Variants in WWOX observed in about 807,000 individuals in gnomAD.
The protein encoded by WWOX is WW domain containing oxidoreductase.
A neutral mutation model predicts 46.2 loss-of-function variants in WWOX; 69 were observed. The ratio of observed to expected loss-of-function variants is 1.49; its 90% CI spans 1.23 to 1.82. WWOX has a LOEUF of 1.82. Among genes scored for constraint, WWOX ranks in the 40% most tolerant of loss-of-function variants. The pLI, the probability that WWOX is intolerant of heterozygous loss-of-function variation, is 0.00. For missense variants in WWOX, 919 were observed against 542.6 expected, an observed-to-expected ratio of 1.69 and a Z score of -6.89; for synonymous variants, 359 against 202.6, an observed-to-expected ratio of 1.77 and a Z score of -6.56.
intron 8 of WWOX, among the ~76,000 whole-genome samples, chr16:78,950,757 C>G (rs2046043753): frequency 6.6e-6 from 1 of 152,140 alleles, no homozygotes. Context: ...CAAATGAAAT[C>G]TGGAATGATC....
At chr16:79,207,407 G>T (rs866067310) in intron 8 of WWOX, among the ~76,000 whole-genome samples, 2 of 152,204 alleles carry the variant, frequency 1.3e-5, no homozygotes, top group Admixed American at 6.5e-5. Flanking sequence ...GAACACTGCC[G>T]TCTTCAAAAG....
intron 8 of WWOX, among the ~76,000 whole-genome samples, chr16:79,134,395 G>C (rs933016043): frequency 6.6e-6 from 1 of 152,084 alleles, no homozygotes; most frequent in African/African-American, 2.4e-5. Context: ...AGCATGGAAG[G>C]GGCTGTCTGC....
chr16:78,886,829 C>T (rs1170667213), intron 8 of WWOX, among the ~76,000 whole-genome samples: 5 of 151,980 alleles, frequency 3.3e-5, no homozygotes, highest in Admixed American at 2.0e-4. Flanking sequence ...ATTCAGAGTC[C>T]TTCCTTCTTG....
intron 8 of WWOX, among the ~76,000 whole-genome samples, chr16:78,880,677 A>C (rs1009655858): frequency 6.6e-6 from 1 of 152,170 alleles, no homozygotes; most frequent in Non-Finnish European, 1.5e-5. Flanking sequence ...GAACTTGCTG[A>C]TGTACTCTTG....
At chr16:78,309,479 C>A (rs773373343) in intron 5 of WWOX, among the ~76,000 whole-genome samples, 1 of 152,108 alleles carries the variant, frequency 6.6e-6, no homozygotes, top group African/African-American at 2.4e-5. Flanking sequence ...AGCCCTCATC[C>A]CCATCACTTT....
At chr16:78,913,671 T>A (rs952164537) in intron 8 of WWOX, among the ~76,000 whole-genome samples, 1 of 151,678 alleles carries the variant, frequency 6.6e-6, no homozygotes, top group Non-Finnish European at 1.5e-5. Context: ...TTTTTTTTTT[T>A]TCTTTTTAGT....
chr16:78,848,244 A>T (rs1190917521), intron 8 of WWOX, among the ~76,000 whole-genome samples: 15 of 152,226 alleles, frequency 9.9e-5, no homozygotes, highest in Admixed American at 9.2e-4. Context: ...GTAACTTTGT[A>T]CACCGTGGGC....
At chr16:79,162,313 A>C (rs1265953275) in intron 8 of WWOX, among the ~76,000 whole-genome samples, 1 of 152,200 alleles carries the variant, frequency 6.6e-6, no homozygotes, top group Non-Finnish European at 1.5e-5. Flanking sequence ...ACTTCTTCAA[A>C]GTACAGTTTC....
chr16:79,123,565 C>T (rs550869029), intron 8 of WWOX, among the ~76,000 whole-genome samples: 11 of 152,148 alleles, frequency 7.2e-5, no homozygotes, highest in South Asian at 4.2e-4. Flanking sequence ...GGATTAAGGA[C>T]GTTGAGACCC....
At chr16:78,676,802 T>C (rs1597431679) in intron 8 of WWOX, among the ~76,000 whole-genome samples, 1 of 152,364 alleles carries the variant, frequency 6.6e-6, no homozygotes, top group East Asian at 1.9e-4. Context: ...CTTTGAATAC[T>C]GATGAACTTT....
At chr16:78,999,728 G>C (rs1400543617) in intron 8 of WWOX, among the ~76,000 whole-genome samples, 1 of 152,160 alleles carries the variant, frequency 6.6e-6, no homozygotes, top group Non-Finnish European at 1.5e-5. Context: ...AGTGGGAGGG[G>C]GATGAGGGTT....
chr16:78,517,695 G>A (rs1467464169), intron 8 of WWOX, among the ~76,000 whole-genome samples: 1 of 152,042 alleles, frequency 6.6e-6, no homozygotes, highest in East Asian at 1.9e-4. Flanking sequence ...GATGGAAAGG[G>A]CATGCGTTGA....
At chr16:79,122,169 ACTTG>A (rs541296528) in intron 8 of WWOX, among the ~76,000 whole-genome samples, 12 of 152,280 alleles carry the variant, frequency 7.9e-5, no homozygotes, top group African/African-American at 2.2e-4. Flanking sequence ...ATCATCCGCC[ACTTG>A]CTTCTAAACC....
At chr16:78,508,618 G>A (rs1392836423) in intron 8 of WWOX, among the ~76,000 whole-genome samples, 2 of 152,150 alleles carry the variant, frequency 1.3e-5, no homozygotes, top group Non-Finnish European at 2.9e-5. Flanking sequence ...ATGATTCAGA[G>A]CACAATGATG....
At chr16:79,208,318 C>G (rs1375152216) in intron 8 of WWOX, among the ~76,000 whole-genome samples, 1 of 152,102 alleles carries the variant, frequency 6.6e-6, no homozygotes, top group Non-Finnish European at 1.5e-5. Flanking sequence ...ATAGACACCT[C>G]CCCCGTTTCC....
At chr16:78,906,081 G>A (rs1003388008) in intron 8 of WWOX, among the ~76,000 whole-genome samples, 1 of 152,200 alleles carries the variant, frequency 6.6e-6, no homozygotes, top group Non-Finnish European at 1.5e-5. Context: ...TTGTCTTCTT[G>A]GTTAGGGACC....
chr16:78,669,290 T>G (rs2047405711), intron 8 of WWOX, among the ~76,000 whole-genome samples: 1 of 152,202 alleles, frequency 6.6e-6, no homozygotes, highest in Non-Finnish European at 1.5e-5. Flanking sequence ...CCTAAGCAAT[T>G]GGTGGGATGG....
intron 8 of WWOX, among the ~76,000 whole-genome samples, chr16:78,515,963 A>AATCAG (rs1567616805): frequency 4.6e-5 from 7 of 151,938 alleles, no homozygotes; most frequent in South Asian, 2.1e-4. Flanking sequence ...CAGTCAATCA[A>AATCAG]TCAGTCTCTC....
intron 5 of WWOX, among the ~76,000 whole-genome samples, chr16:78,202,618 A>G (rs1025443344): frequency 6.6e-6 from 1 of 152,164 alleles, no homozygotes; most frequent in Non-Finnish European, 1.5e-5. Context: ...TTAAAAATAA[A>G]ATTTCATTGG....
Sources: gnomAD v4.1 joint callset for allele counts (sites outside exome capture counted in the v4.1 genomes callset) on GRCh38, gnomAD v4.1.1 for gene constraint, MANE v1.5 for transcripts, NCBI Gene and HGNC (gene_info 2026-07-23, HGNC 2026-07-21) for gene names.